The following LNPEP variants were observed in gnomAD, a reference collection of about 807,000 sequenced individuals.
LNPEP encodes the protein leucyl-cystinyl aminopeptidase.
LNPEP carries 64 observed loss-of-function variants against 120.6 expected under a neutral mutation model. That is an observed-to-expected ratio of 0.53 (90% confidence interval 0.43 to 0.65). The LOEUF (loss-of-function observed/expected upper bound fraction) is 0.65, where lower values mean the gene tolerates loss of function less well. Ranked by LOEUF, LNPEP falls within the 30% of genes least tolerant of loss-of-function variation. LNPEP has a pLI of 0.00. For synonymous variants in LNPEP, 435 were observed against 425.4 expected (o/e 1.02, Z -0.28); for missense variants, 1,057 against 1,200.0 (o/e 0.88, Z 1.76).
chr5:96,985,993 T>G (rs1206873569), intron 3 of LNPEP, among the ~76,000 whole-genome samples: 1 of 152,168 alleles, frequency 6.6e-6, no homozygotes, highest in Non-Finnish European at 1.5e-5. Flanking sequence ...CCTACTTTAA[T>G]TTGTGGTTGG....
intron 4 of LNPEP, 79 bp from the exon 5 acceptor site, chr5:96,992,936 T>C: frequency 1.0e-6 from 1 of 985,990 alleles, no homozygotes; most frequent in Non-Finnish European, 1.5e-6. Flanking sequence ...TCAGATATGC[T>C]AGTCTTGACA....
At chr5:96,944,560 C>CTTTTTTTTTTTTTTTTTTTT (rs60017687) in intron 1 of LNPEP, among the ~76,000 whole-genome samples, 1 of 56,374 alleles carries the variant, frequency 1.8e-5, no homozygotes, top group Non-Finnish European at 3.3e-5. Context: ...CTTATTTTTG[C>CTTTTTTTTTTTTTTTTTTTT]TTTTTTTTTT....
chr5:97,005,694 C>G (rs1362339861), intron 9 of LNPEP, among the ~76,000 whole-genome samples: 2 of 152,138 alleles, frequency 1.3e-5, no homozygotes, highest in Non-Finnish European at 2.9e-5. Flanking sequence ...TATCATTATT[C>G]ATATCTTGTA....
Position 97,032,586 on chromosome 5 carries a change from A to G in LNPEP, c.*4053A>G, listed in dbSNP as rs1791492043. 1 of 152,054 alleles carries G rather than the reference A, an allele frequency of 6.6e-6. No individual in the cohort carries two copies. The highest frequency in any genetic ancestry group is 1.5e-5 in the Non-Finnish European group (1 of 68,026). 9.4% of individuals were successfully genotyped at this position (152,054 alleles called of 1,614,324 possible). ...TATGAAAATTTCATCTACCCTTCCC[A>G]TTTTACCTGTATGGGCAGTAGCTAC... On this transcript the variant is annotated 3_prime_UTR_variant, in exon 18 of 18. Coordinates refer to ENST00000231368, the MANE Select transcript of LNPEP (RefSeq NM_005575.3).
In LNPEP at chr5:96,954,745, TAC is replaced by T. The variant is rs1173579568; in HGVS notation, c.19+18575_19+18576del. On this transcript the variant is annotated intron_variant, in intron 1 of 17. Transcript: ENST00000231368. ...ATACATATATATATACATATATATA[TAC>T]ACATATATATATATATATATATATA... Among the ~76,000 whole-genome samples, 5 of 47,898 alleles carry T rather than the reference TAC, an allele frequency of 1.0e-4. 1 individual carries two copies. Among genetic ancestry groups the T allele is most frequent in the African/African-American group, 3.7e-4 (5 of 13,388 alleles). The allele number at this position is 47,898 out of a possible 152,430, so 31.4% of individuals were successfully genotyped here. A position where few individuals can be genotyped will look rare whatever the true frequency, so the allele number is the denominator to read the frequency against.
chr5:96,999,270 A>G (rs1354800460), intron 8 of LNPEP, among the ~76,000 whole-genome samples: 2 of 152,236 alleles, frequency 1.3e-5, no homozygotes, highest in African/African-American at 4.8e-5. Flanking sequence ...AAGTCCAGGC[A>G]TGAAATGGTA....
chr5:96,954,625 T>TATATATATATATAC (rs1187570043), intron 1 of LNPEP, among the ~76,000 whole-genome samples: 2,766 of 121,260 alleles, frequency 0.023, 626 homozygotes, highest in Middle Eastern at 0.048. Flanking sequence ...TCTCTATATA[T>TATATATATATATAC]ATATATACAT....
chr5:96,991,650 T>C (rs946251348), intron 4 of LNPEP, among the ~76,000 whole-genome samples: 1 of 152,178 alleles, frequency 6.6e-6, no homozygotes, highest in African/African-American at 2.4e-5. Context: ...TATTTTTTGA[T>C]GGGATTGTTT....
chr5:96,941,441 A>G (rs1789054089), intron 1 of LNPEP, among the ~76,000 whole-genome samples: 1 of 152,186 alleles, frequency 6.6e-6, no homozygotes, highest in Non-Finnish European at 1.5e-5. Context: ...GTATAATTGG[A>G]GCAACCAGAA....
At chr5:96,942,130 G>C (rs1288585609) in intron 1 of LNPEP, among the ~76,000 whole-genome samples, 1 of 152,140 alleles carries the variant, frequency 6.6e-6, no homozygotes, top group Non-Finnish European at 1.5e-5. Context: ...TAAGCATACT[G>C]TCTTTTTTAT....
intron 13 of LNPEP, among the ~76,000 whole-genome samples, chr5:97,021,972 C>T (rs904204415): frequency 7.8e-6 from 1 of 128,632 alleles, no homozygotes; most frequent in Admixed American, 8.8e-5. Flanking sequence ...TGCTCTGTTG[C>T]CCAGACTGGC....
chr5:96,943,220 G>GA, intron 1 of LNPEP: 1 of 205,350 alleles, frequency 4.9e-6, no homozygotes, highest in African/African-American at 2.8e-5. Context: ...ATTACCAGTT[G>GA]TTTAAAAAAA....
At position 96,985,710 on chromosome 5, in the gene LNPEP, A is replaced by C. The variant is rs371654842; in HGVS notation, c.999+492A>C. ...GGGATGCAGTGAGGGTGAAACCAATAATTGTTTTTATGCCAAACAAAACCT... is the reference window on the plus strand; with the variant it reads ...GGGATGCAGTGAGGGTGAAACCAATCATTGTTTTTATGCCAAACAAAACCT... On this transcript the variant is annotated intron_variant, in intron 3 of 17. Coordinates refer to ENST00000231368, the MANE Select transcript of LNPEP (RefSeq NM_005575.3). Among the ~76,000 whole-genome samples the C allele has an allele frequency of 7.9e-5, 12 of 151,710 alleles. No homozygotes were observed. In the East Asian group the frequency reaches 1.2e-3, roughly 15 times the overall value.
At position 96,979,537 on chromosome 5, in the gene LNPEP, G is replaced by T. The variant is rs753565895; in HGVS notation, c.419G>T (p.Gly140Val). 1.2e-6 allele frequency: 2 copies of T among 1,613,396 alleles called. No homozygotes were observed. Among genetic ancestry groups the T allele is most frequent in the Non-Finnish European group, 1.7e-6 (2 of 1,179,898 alleles). The change falls in exon 2 of 18, where the codon GGC becomes GTC. Residue 140 changes from glycine to valine, a missense_variant. Gly to Val is a moderately radical substitution (Grantham distance 109). Coordinates refer to ENST00000231368, the MANE Select transcript of LNPEP (RefSeq NM_005575.3). ...LLPRCTFTKE[G>V]CHKKNQSIGL... The stretch of plus-strand genomic sequence containing the variant: ...CCCAGATGTACCTTTACCAAAGAAG[G>T]CTGCCATAAAAAAAACCAGTCAATT...
intron 6 of LNPEP, chr5:96,995,917 G>A (rs953012645): frequency 6.4e-6 from 1 of 155,806 alleles, no homozygotes; most frequent in Non-Finnish European, 1.4e-5. Context: ...GAGAAACAAA[G>A]TATAGGCTTT....
chr5:96,990,786 T>C (rs1790371351), intron 4 of LNPEP, among the ~76,000 whole-genome samples: 1 of 152,246 alleles, frequency 6.6e-6, no homozygotes, highest in African/African-American at 2.4e-5. Flanking sequence ...AAACATTCTA[T>C]ATTGTTTAAT....
chr5:97,006,373 TAAAAA>T, intron 10 of LNPEP, 49 bp from the exon 11 acceptor site: 1 of 1,083,412 alleles, frequency 9.2e-7, no homozygotes, highest in Non-Finnish European at 1.3e-6. Context: ...CCTACCAAAT[TAAAAA>T]AAAAAAAAAA....
At chr5:96,992,377 GA>G (rs1432788400) in intron 4 of LNPEP, among the ~76,000 whole-genome samples, 5 of 151,984 alleles carry the variant, frequency 3.3e-5, no homozygotes, top group Middle Eastern at 3.4e-3. Context: ...GCCAACAACT[GA>G]AAAAAAAGTT....
rs1352564477 is a variant in LNPEP, at chr5:97,030,121, A to G, written c.*1588A>G. On this transcript the variant is annotated 3_prime_UTR_variant, in exon 18 of 18. Coordinates refer to ENST00000231368, the MANE Select transcript of LNPEP (RefSeq NM_005575.3). Reference sequence around the variant, plus strand: ...TGTGAATAAAATTATATTTTATTTTATGAAAATATTTTTATATAATAAAAT... The same window carrying G: ...TGTGAATAAAATTATATTTTATTTTGTGAAAATATTTTTATATAATAAAAT... The G allele has an allele frequency of 6.6e-6, 1 of 151,938 alleles. No individual in the cohort carries two copies. The highest frequency in any genetic ancestry group is 1.9e-4 in the East Asian group (1 of 5,202). The allele number at this position is 151,938 out of a possible 1,614,324, so 9.4% of individuals were successfully genotyped here.
Sources: allele counts gnomAD v4.1 joint callset (sites outside exome capture counted in the v4.1 genomes callset), GRCh38; gene constraint gnomAD v4.1.1; transcripts MANE v1.5; gene names NCBI Gene and HGNC (gene_info 2026-07-23, HGNC 2026-07-21).